MAF: variants seen among roughly 807,000 people sequenced by gnomAD.
The protein encoded by MAF is MAF bZIP transcription factor.
MAF carries 10 observed loss-of-function variants against 22.0 expected under a neutral mutation model. The observed-to-expected ratio is 0.45, with a 90% CI of 0.28 to 0.77. The LOEUF (loss-of-function observed/expected upper bound fraction) is 0.77, where lower values mean the gene tolerates loss of function less well. Among genes scored for constraint, MAF ranks in the 30% least tolerant of loss-of-function variants. The pLI is 0.12. For missense variants in MAF, 544 were observed against 548.4 expected, an observed-to-expected ratio of 0.99 and a Z score of 0.08; for synonymous variants, 337 against 255.8, an observed-to-expected ratio of 1.32 and a Z score of -3.03.
chr16:79,334,585 G>A, the MAF span, among the ~76,000 whole-genome samples: 7 of 152,256 alleles, frequency 4.6e-5, no homozygotes, highest in South Asian at 2.1e-4. Flanking sequence ...AAATGAAAAC[G>A]AGGGGTCTCT....
At chr16:79,296,480 T>C in the MAF span, among the ~76,000 whole-genome samples, 38 of 152,306 alleles carry the variant, frequency 2.5e-4, 2 homozygotes, top group Middle Eastern at 3.4e-3. Flanking sequence ...TGTTTACTTA[T>C]GTAACAAACC....
At chr16:79,449,064 A>T in the MAF span, among the ~76,000 whole-genome samples, 251 of 152,324 alleles carry the variant, frequency 1.6e-3, no homozygotes, top group South Asian at 2.9e-3. Flanking sequence ...GATGGGAGAC[A>T]GTGACAGATC....
the MAF span, among the ~76,000 whole-genome samples, chr16:79,388,792 A>G: frequency 1.3e-5 from 2 of 152,202 alleles, no homozygotes; most frequent in Non-Finnish European, 2.9e-5. Flanking sequence ...CCTTTTTTAT[A>G]TATGTTCTCC....
At chr16:79,507,112 GTC>G in the MAF span, among the ~76,000 whole-genome samples, 1 of 111,928 alleles carries the variant, frequency 8.9e-6, no homozygotes, top group East Asian at 2.8e-4. Context: ...ACTTTTCTGC[GTC>G]TTTTTTTTTT....
the MAF span, among the ~76,000 whole-genome samples, chr16:79,402,425 C>T: frequency 1.3e-5 from 2 of 152,212 alleles, no homozygotes; most frequent in African/African-American, 4.8e-5. Flanking sequence ...ACACCTAGCC[C>T]TTTCAGAGGC....
At chr16:79,389,552 G>C in the MAF span, among the ~76,000 whole-genome samples, 1 of 151,592 alleles carries the variant, frequency 6.6e-6, no homozygotes, top group Non-Finnish European at 1.5e-5. Context: ...CTGAGCCACC[G>C]CGTCCAGCTA....
At chr16:79,382,675 A>G in the MAF span, among the ~76,000 whole-genome samples, 2 of 152,230 alleles carry the variant, frequency 1.3e-5, no homozygotes, top group Non-Finnish European at 2.9e-5. Context: ...ACCTCCAAAC[A>G]CTAGTAACAT....
chr16:79,219,253 T>C, the MAF span, among the ~76,000 whole-genome samples: 1 of 152,176 alleles, frequency 6.6e-6, no homozygotes, highest in East Asian at 1.9e-4. Flanking sequence ...TCCTGTTACT[T>C]TGGAATTGTG....
chr16:79,272,147 G>A, the MAF span, among the ~76,000 whole-genome samples: 3 of 152,212 alleles, frequency 2.0e-5, no homozygotes, highest in Non-Finnish European at 4.4e-5. Context: ...CCACCAGGGC[G>A]TCTCTGATGA....
chr16:79,538,191 G>C, the MAF span, among the ~76,000 whole-genome samples: 2 of 152,104 alleles, frequency 1.3e-5, no homozygotes, highest in African/African-American at 4.8e-5. Context: ...CTATAAAAAA[G>C]AGTTCTGTCC....
the MAF span, among the ~76,000 whole-genome samples, chr16:79,355,607 T>C: frequency 6.6e-6 from 1 of 152,232 alleles, no homozygotes; most frequent in East Asian, 1.9e-4. Context: ...TTGAGAGTTA[T>C]GTGAGAATAA....
At chr16:79,525,142 A>C in the MAF span, among the ~76,000 whole-genome samples, 10 of 152,316 alleles carry the variant, frequency 6.6e-5, no homozygotes, top group African/African-American at 2.4e-4. Context: ...TGAGCTAAAA[A>C]TTACAAAGCC....
At chr16:79,246,168 G>T in the MAF span, among the ~76,000 whole-genome samples, 25 of 152,050 alleles carry the variant, frequency 1.6e-4, no homozygotes, top group African/African-American at 5.8e-4. Flanking sequence ...GAACAAACCT[G>T]CACATTCTGC....
At chr16:79,495,928 A>AAC in the MAF span, among the ~76,000 whole-genome samples, 2 of 152,300 alleles carry the variant, frequency 1.3e-5, no homozygotes, top group East Asian at 1.9e-4. Context: ...TGATGGAGAT[A>AAC]ACACACACAC....
the MAF span, among the ~76,000 whole-genome samples, chr16:79,356,566 C>A: frequency 2.0e-5 from 3 of 152,184 alleles, no homozygotes; most frequent in Admixed American, 6.5e-5. Context: ...ATTCACACCC[C>A]TAGGTCTCTG....
At chr16:79,282,131 T>C in the MAF span, among the ~76,000 whole-genome samples, 1 of 151,992 alleles carries the variant, frequency 6.6e-6, no homozygotes, top group African/African-American at 2.4e-5. Flanking sequence ...TGAAACCCCG[T>C]CTCTACTAAA....
chr16:79,529,451 T>C, the MAF span, among the ~76,000 whole-genome samples: 1 of 152,190 alleles, frequency 6.6e-6, no homozygotes, highest in Non-Finnish European at 1.5e-5. Context: ...GAAATCTACA[T>C]ACTATTTTAG....
chr16:79,346,578 TAGA>T, the MAF span, among the ~76,000 whole-genome samples: 2 of 152,216 alleles, frequency 1.3e-5, no homozygotes, highest in African/African-American at 4.8e-5. Context: ...ACCTCAAGGA[TAGA>T]AGAAGGATTT....
chr16:79,473,450 T>C, the MAF span, among the ~76,000 whole-genome samples: 3 of 152,152 alleles, frequency 2.0e-5, no homozygotes, highest in Non-Finnish European at 4.4e-5. Flanking sequence ...CTCTCATGGG[T>C]GCAAACAGCA....
Sources: allele counts gnomAD v4.1 joint callset (sites outside exome capture counted in the v4.1 genomes callset), GRCh38; gene constraint gnomAD v4.1.1; transcripts MANE v1.5; gene names NCBI Gene and HGNC (gene_info 2026-07-23, HGNC 2026-07-21).